Variants in TMEM132B observed in about 807,000 individuals in gnomAD.
TMEM132B encodes the protein transmembrane protein 132B.
TMEM132B carries 18 observed loss-of-function variants against 90.8 expected under a neutral mutation model. That is an observed-to-expected ratio of 0.20 (90% CI 0.14 to 0.29). The LOEUF is 0.29. TMEM132B is among the 10% of genes least tolerant of loss of function. The pLI is 1.00. For synonymous variants in TMEM132B, 504 were observed against 523.3 expected (o/e 0.96, Z 0.50); for missense variants, 1,096 against 1,326.8 (o/e 0.83, Z 2.70).
At position 125,622,438 on chromosome 12, in the gene TMEM132B, G is replaced by A. The variant is rs555777515; in HGVS notation, c.1438-21638G>A. ...TGGGAGCCAGGTCTGAGGCCACACA[G>A]AAGTAGAACTTTCATAGCCAGGTTT... On this transcript the variant is annotated intron_variant, in intron 5 of 8. Transcript: ENST00000682704. 4 of 984,792 alleles carry A rather than the reference G, an allele frequency of 4.1e-6. No homozygotes were observed. In the East Asian group the frequency reaches 3.4e-4, roughly 84 times the overall value. 61.0% of individuals were successfully genotyped at this position (984,792 alleles called of 1,614,324 possible). A position where few individuals can be genotyped will look rare whatever the true frequency, so the allele number is the denominator to read the frequency against.
At chr12:125,535,926 C>T (rs1883783297) in intron 4 of TMEM132B, among the ~76,000 whole-genome samples, 1 of 152,180 alleles carries the variant, frequency 6.6e-6, no homozygotes, top group Non-Finnish European at 1.5e-5. Context: ...GGGACTATGC[C>T]TCTACTCTGT....
intron 4 of TMEM132B, among the ~76,000 whole-genome samples, chr12:125,551,055 C>T (rs1243552927): frequency 4.6e-5 from 7 of 152,234 alleles, no homozygotes; most frequent in Non-Finnish European, 7.3e-5. Flanking sequence ...TCAGGTGATC[C>T]GCCCGCCTCG....
chr12:125,462,673 A>G (rs1593158780), intron 3 of TMEM132B, among the ~76,000 whole-genome samples: 1 of 152,166 alleles, frequency 6.6e-6, no homozygotes, highest in Non-Finnish European at 1.5e-5. Context: ...AACTCGGAGT[A>G]GATGTTGACA....
chr12:125,274,650 T>A (rs555792981), intron 1 of TMEM132B, among the ~76,000 whole-genome samples: 6 of 152,372 alleles, frequency 3.9e-5, no homozygotes, highest in African/African-American at 1.4e-4. Context: ...GAGAACAGGC[T>A]GCATTCCCCA....
chr12:125,304,658 A>T (rs1875914104), intron 1 of TMEM132B, among the ~76,000 whole-genome samples: 1 of 152,114 alleles, frequency 6.6e-6, no homozygotes, highest in South Asian at 2.1e-4. Flanking sequence ...AACACCAGGA[A>T]CTAGTGTTTA....
chr12:125,617,019 T>C (rs192871479), intron 5 of TMEM132B, among the ~76,000 whole-genome samples: 1 of 152,352 alleles, frequency 6.6e-6, no homozygotes, highest in East Asian at 1.9e-4. Context: ...TCCAGAACCA[T>C]GAGAAATAAA....
Position 125,654,600 on chromosome 12 carries a change from T to A in TMEM132B, c.3142T>A (p.Ser1048Thr), listed in dbSNP as rs763658743. ...LPEDGGPYTN[S>T]ILFDSDDNIK... is the part of the protein sequence containing the mutation. ...AGAGGACGGCGGCCCATACACCAAC[T>A]CCATCCTGTTTGACAGCGATGATAA... Residue 1048 changes from serine to threonine, a missense_variant, in exon 9 of 9, where the codon TCC (serine) becomes ACC (threonine). Coordinates refer to ENST00000682704, the MANE Select transcript of TMEM132B (RefSeq NM_001366854.1). This position sits in a 1 kb window ranked among gnomAD's most constrained non-coding sequence, Gnocchi z 5.8. The A allele has an allele frequency of 1.9e-5, 31 of 1,613,972 alleles. No homozygotes were observed. The highest frequency in any genetic ancestry group is 2.5e-5 in the Non-Finnish European group (30 of 1,180,016).
Position 125,661,505 on chromosome 12 carries a change from A to G in TMEM132B, c.*6795A>G, listed in dbSNP as rs1401793699. On this transcript the variant is annotated 3_prime_UTR_variant, in exon 9 of 9. Transcript: ENST00000682704. ...TGCAGTGAATTACCCCAGAGCCACC[A>G]GTTCACATGCCCAAAGATGAACTGG... The G allele has an allele frequency of 6.6e-6, 1 of 152,212 alleles. No individual in the cohort carries two copies. Among genetic ancestry groups the G allele is most frequent in the African/African-American group, 2.4e-5 (1 of 41,458 alleles). 9.4% of individuals were successfully genotyped at this position (152,212 alleles called of 1,614,324 possible).
At chr12:125,356,041 G>C (rs978087790) in intron 2 of TMEM132B, among the ~76,000 whole-genome samples, 1 of 152,094 alleles carries the variant, frequency 6.6e-6, no homozygotes, top group Non-Finnish European at 1.5e-5. Flanking sequence ...TGGAGTTGGG[G>C]TAGGTCTTTG....
chr12:125,350,708 G>A (rs529257267), intron 2 of TMEM132B, among the ~76,000 whole-genome samples: 2 of 152,358 alleles, frequency 1.3e-5, no homozygotes, highest in South Asian at 2.1e-4. Context: ...CACAGAGGCT[G>A]TGAGACAGAG....
In TMEM132B at chr12:125,350,170, G is replaced by C. The variant is rs778534809; in HGVS notation, c.786G>C (p.Glu262Asp). The C allele has an allele frequency of 6.2e-7, 1 of 1,614,108 alleles. No individual in the cohort carries two copies. Among genetic ancestry groups the C allele is most frequent in the Non-Finnish European group, 8.5e-7 (1 of 1,180,056 alleles). The change falls in exon 2 of 9, where the codon GAG becomes GAC. Residue 262 changes from glutamate to aspartate, a missense_variant. Transcript: ENST00000682704. ...ESPQQAFPAR[E>D]RIGSVVVYPT... ...CCCAGCAAGCGTTTCCAGCCCGAGA[G>C]AGGATTGGGAGTGTGGTGGTCTACC...
intron 2 of TMEM132B, among the ~76,000 whole-genome samples, chr12:125,399,556 T>G (rs1398231402): frequency 6.6e-6 from 1 of 151,256 alleles, no homozygotes; most frequent in African/African-American, 2.4e-5. Flanking sequence ...TGGAATGGAT[T>G]ATCTCTCAGA....
rs1258703202 is a variant in TMEM132B, at chr12:125,425,047, G to T, written c.1106+9370G>T. Among the ~76,000 whole-genome samples the T allele has an allele frequency of 3.3e-5, 5 of 152,044 alleles. No homozygotes were observed. The South Asian group carries it at 6.2e-4, about 19-fold the overall frequency. ...GAGTCCAGCACGGATGGGGAATGGG[G>T]TGGGGTTGAGACATGGGGAGGAGGT... On this transcript the variant is annotated intron_variant, in intron 3 of 8. Coordinates refer to ENST00000682704, the MANE Select transcript of TMEM132B (RefSeq NM_001366854.1).
intron 1 of TMEM132B, among the ~76,000 whole-genome samples, chr12:125,313,669 C>A (rs1245010981): frequency 1.1e-5 from 1 of 89,672 alleles, no homozygotes; most frequent in East Asian, 4.3e-4. Flanking sequence ...TCACCCCTTA[C>A]CCCTCTCCCC....
At chr12:125,528,704 A>G (rs1339017305) in intron 4 of TMEM132B, among the ~76,000 whole-genome samples, 3 of 152,322 alleles carry the variant, frequency 2.0e-5, no homozygotes, top group South Asian at 4.1e-4. Context: ...TCTCAGTATA[A>G]CTTTTGACTG....
chr12:125,280,504 T>C (rs1875129001), intron 1 of TMEM132B, among the ~76,000 whole-genome samples: 1 of 152,256 alleles, frequency 6.6e-6, no homozygotes, highest in African/African-American at 2.4e-5. Flanking sequence ...GTTTATTCCT[T>C]GCTCAATCTG....
rs543176428 is a variant in TMEM132B at position 125,608,763 on chromosome 12, C to T, written c.1437+24769C>T. On this transcript the variant is annotated intron_variant, in intron 5 of 8. Transcript: ENST00000682704. Reference sequence around the variant, plus strand: ...TTATGTATGGTTTGAATAAAGATAACTTCATTTTCTTTGCCAATGGCTACA... The same window carrying T: ...TTATGTATGGTTTGAATAAAGATAATTTCATTTTCTTTGCCAATGGCTACA... Among the ~76,000 whole-genome samples the T allele has an allele frequency of 1.1e-4, 16 of 152,084 alleles. No homozygotes were observed. In the East Asian group the frequency reaches 2.9e-3, roughly 28 times the overall value.
chr12:125,641,361 T>TACAATCCACCAATTACAAATA, intron 5 of TMEM132B, among the ~76,000 whole-genome samples: 1 of 152,270 alleles, frequency 6.6e-6, no homozygotes, highest in Admixed American at 6.5e-5. Context: ...ATAATGAGGG[T>TACAATCCACCAATTACAAATA]CATCTGTAAT....
intron 1 of TMEM132B, among the ~76,000 whole-genome samples, chr12:125,334,548 C>CT (rs1220769110): frequency 6.6e-6 from 1 of 152,190 alleles, no homozygotes; most frequent in Non-Finnish European, 1.5e-5. Context: ...ATGTCTTTGC[C>CT]TTTTTTCTGC....
Sources: allele counts gnomAD v4.1 joint callset (sites outside exome capture counted in the v4.1 genomes callset), GRCh38; gene constraint gnomAD v4.1.1; non-coding constraint Gnocchi (gnomAD v3.1); transcripts MANE v1.5; gene names NCBI Gene and HGNC (gene_info 2026-07-23, HGNC 2026-07-21).